The following HGSNAT variants were observed in gnomAD, a reference collection of about 807,000 sequenced individuals.
The protein encoded by HGSNAT is heparan-alpha-glucosaminide N-acetyltransferase.
HGSNAT carries 59 observed loss-of-function variants against 85.2 expected under a neutral mutation model. That is an observed-to-expected ratio of 0.69 (90% CI 0.56 to 0.86). HGSNAT has a LOEUF of 0.86. HGSNAT is among the 40% of genes least tolerant of loss of function. The pLI, the probability that HGSNAT is intolerant of heterozygous loss-of-function variation, is 0.00. For synonymous variants in HGSNAT, 321 were observed against 304.5 expected (o/e 1.05, Z -0.56); for missense variants, 756 against 777.1 (o/e 0.97, Z 0.32).
At chr8:43,177,862 A>T (rs569133145) in intron 9 of HGSNAT, among the ~76,000 whole-genome samples, 2 of 152,316 alleles carry the variant, frequency 1.3e-5, no homozygotes, top group South Asian at 4.1e-4. Context: ...TTCTCCTAAG[A>T]CAGGACTTGA....
At chr8:43,151,757 C>A (rs563390204) in intron 2 of HGSNAT, among the ~76,000 whole-genome samples, 4 of 152,104 alleles carry the variant, frequency 2.6e-5, no homozygotes, top group African/African-American at 9.7e-5. Context: ...ATAATAAAGA[C>A]GATGGTAATA....
intron 7 of HGSNAT, 62 bp from the exon 8 acceptor site, chr8:43,172,248 G>A (rs1803648426): frequency 8.7e-7 from 1 of 1,144,372 alleles, no homozygotes; most frequent in South Asian, 1.2e-5. Context: ...TGTGTCTTCA[G>A]TTCAGCCCTT....
Position 43,164,738 on chromosome 8 carries a change from C to T in HGSNAT, c.563+3231C>T, listed in dbSNP as rs544303197. 5.9e-5 allele frequency among the ~76,000 whole-genome samples: 9 copies of T among 152,228 alleles called. No individual in the cohort carries two copies. In the East Asian group the frequency reaches 9.6e-4, roughly 16 times the overall value. On this transcript the variant is annotated intron_variant, in intron 5 of 17. Transcript: ENST00000379644. ...GGAGGTTTGCAGTGAGCCGAGATCGCGCTACTGCACTCCAGCCTGGGTGAC... is the reference window on the plus strand; with the variant it reads ...GGAGGTTTGCAGTGAGCCGAGATCGTGCTACTGCACTCCAGCCTGGGTGAC...
At chr8:43,155,502 G>C (rs901761906) in intron 2 of HGSNAT, among the ~76,000 whole-genome samples, 15 of 151,962 alleles carry the variant, frequency 9.9e-5, no homozygotes, top group Admixed American at 8.5e-4. Flanking sequence ...TATATATTCT[G>C]TCAGATGGTA....
chr8:43,140,794 G>T (rs1802496124), intron 1 of HGSNAT, among the ~76,000 whole-genome samples, 180 bp downstream of exon 1: 3 of 152,050 alleles, frequency 2.0e-5, no homozygotes, highest in Non-Finnish European at 4.4e-5. Context: ...CCGGACTTCG[G>T]GGTGCTGCGG....
At chr8:43,180,971 C>T (rs1242730824) in intron 10 of HGSNAT, among the ~76,000 whole-genome samples, 1 of 107,816 alleles carries the variant, frequency 9.3e-6, no homozygotes, top group African/African-American at 3.6e-5. Flanking sequence ...TGCGCGCCTG[C>T]AATCGCAGGC....
At chr8:43,151,103 A>G (rs982888820) in intron 2 of HGSNAT, among the ~76,000 whole-genome samples, 2 of 152,346 alleles carry the variant, frequency 1.3e-5, no homozygotes, top group East Asian at 3.9e-4. Flanking sequence ...CCCAAAGTAC[A>G]TCGAAAATAA....
At chr8:43,170,079 C>G (rs1045128095) in intron 6 of HGSNAT, among the ~76,000 whole-genome samples, 1 of 152,148 alleles carries the variant, frequency 6.6e-6, no homozygotes, top group African/African-American at 2.4e-5. Flanking sequence ...CCTTGGCCTC[C>G]CAAAGTGCTG....
chr8:43,151,341 T>C (rs1418359518), intron 2 of HGSNAT, among the ~76,000 whole-genome samples: 1 of 152,160 alleles, frequency 6.6e-6, no homozygotes, highest in Non-Finnish European at 1.5e-5. Context: ...TCTCTCTGCT[T>C]CTCTTCCCCT....
At chr8:43,180,079 C>T (rs1191303867) in intron 10 of HGSNAT, among the ~76,000 whole-genome samples, 1 of 111,842 alleles carries the variant, frequency 8.9e-6, no homozygotes, top group Admixed American at 8.1e-5. Flanking sequence ...CCCCACCTCC[C>T]TCCCGGACGG....
intron 14 of HGSNAT, chr8:43,194,481 A>G: frequency 1.0e-6 from 1 of 985,410 alleles, no homozygotes; most frequent in Non-Finnish European, 1.2e-6. Flanking sequence ...GTCATTTGTC[A>G]CACTTCTTTC....
intron 5 of HGSNAT, among the ~76,000 whole-genome samples, chr8:43,168,259 C>T (rs1467636735): frequency 6.6e-6 from 1 of 151,994 alleles, no homozygotes; most frequent in Non-Finnish European, 1.5e-5. Context: ...CAAAAAGAAC[C>T]CAGTACATTA....
Position 43,158,978 on chromosome 8 carries a change from C to T in HGSNAT, c.427C>T (p.His143Tyr). The T allele has an allele frequency of 6.2e-7, 1 of 1,613,034 alleles. No homozygotes were observed. Among genetic ancestry groups the T allele is most frequent in the Non-Finnish European group, 8.5e-7 (1 of 1,179,142 alleles). ...CTATTCTCTCTTGGTAAAGAACATCCATAATGGAGTTAGTGAAATTGCCTG... is the reference window on the plus strand; with the variant it reads ...CTATTCTCTCTTGGTAAAGAACATCTATAATGGAGTTAGTGAAATTGCCTG... ...GNYSLLVKNIHNGVSEIACDL... is the reference protein window; with the variant it reads ...GNYSLLVKNIYNGVSEIACDL... Residue 143 changes from histidine (H) to tyrosine (Y), a missense_variant, in exon 4 of 18, where the codon CAT becomes TAT. Physicochemically the swap from His to Tyr is moderately conservative, Grantham distance 83 (BLOSUM62 2). Transcript: ENST00000379644.
At chr8:43,154,792 G>A (rs1317829278) in intron 2 of HGSNAT, among the ~76,000 whole-genome samples, 1 of 152,184 alleles carries the variant, frequency 6.6e-6, no homozygotes, top group Non-Finnish European at 1.5e-5. Context: ...GGTTGAACTA[G>A]TTTACAGTCC....
At chr8:43,192,263 T>A (rs1039874025) in intron 12 of HGSNAT, 41 bp from the exon 13 acceptor site, 1 of 1,580,658 alleles carries the variant, frequency 6.3e-7, no homozygotes, top group African/African-American at 1.3e-5. Flanking sequence ...TGTTCGCCCT[T>A]ATGAGGTCTT....
At chr8:43,155,669 T>C (rs1803069113) in intron 2 of HGSNAT, among the ~76,000 whole-genome samples, 1 of 152,172 alleles carries the variant, frequency 6.6e-6, no homozygotes, top group Non-Finnish European at 1.5e-5. Flanking sequence ...TCCCCCATGC[T>C]TACTTCTAGT....
chr8:43,151,570 A>C (rs1312278348), intron 2 of HGSNAT, among the ~76,000 whole-genome samples: 20 of 152,322 alleles, frequency 1.3e-4, no homozygotes, highest in Non-Finnish European at 1.5e-5. Flanking sequence ...ATGTTAAGTC[A>C]AAAGAGACTG....
chr8:43,145,705 C>A lies in HGSNAT; in HGVS notation c.119-1243C>A, dbSNP rs565490865. On this transcript the variant is annotated intron_variant, in intron 1 of 17. Coordinates refer to ENST00000379644, the MANE Select transcript of HGSNAT (RefSeq NM_152419.3). Reference sequence around the variant, plus strand: ...GGTAGAGGTTGCAGTGAGCCGAGATCGCGCCACTGCACTCCAGCCTGGGTG... The same window carrying A: ...GGTAGAGGTTGCAGTGAGCCGAGATAGCGCCACTGCACTCCAGCCTGGGTG... Among the ~76,000 whole-genome samples the A allele has an allele frequency of 1.5e-4, 23 of 151,800 alleles. 1 individual carries two copies. The Middle Eastern group carries it at 0.014, about 90-fold the overall frequency.
rs1554533775 is a variant in HGSNAT, at chr8:43,180,103, C to CCG, written c.1012+1870_1012+1871insGC. Among the ~76,000 whole-genome samples the CCG allele has an allele frequency of 3.1e-4, 2 of 6,478 alleles. 1 individual carries two copies. Among genetic ancestry groups the CCG allele is most frequent in the Non-Finnish European group, 1.9e-3 (2 of 1,050 alleles). 4.2% of individuals were successfully genotyped at this position (6,478 alleles called of 152,430 possible). A position where few individuals can be genotyped will look rare whatever the true frequency, so the allele number is the denominator to read the frequency against. ...CCTCCCGGACGGGGCGGCTGGCCGA[C>CCG]CCCCCCCCCCACCGCCTCCCTCCCG... On this transcript the variant is annotated intron_variant, in intron 10 of 17. Coordinates refer to ENST00000379644, the MANE Select transcript of HGSNAT (RefSeq NM_152419.3).
Sources: gnomAD v4.1 joint callset for allele counts (sites outside exome capture counted in the v4.1 genomes callset) on GRCh38, gnomAD v4.1.1 for gene constraint, MANE v1.5 for transcripts, NCBI Gene and HGNC (gene_info 2026-07-23, HGNC 2026-07-21) for gene names.